The following ACSF2 variants were observed in gnomAD, a reference collection of about 807,000 sequenced individuals.
ACSF2 encodes the protein medium-chain acyl-CoA ligase ACSF2, mitochondrial.
A neutral mutation model predicts 79.3 loss-of-function variants in ACSF2; 52 were observed. The observed-to-expected ratio is 0.66, with a 90% CI of 0.53 to 0.83. ACSF2 has a LOEUF of 0.83. Ranked by LOEUF, ACSF2 falls within the 40% of genes least tolerant of loss-of-function variation. The probability of loss-of-function intolerance (pLI) is 0.00; values close to 1 mark genes in which losing one functional copy is unlikely to be tolerated. For missense variants in ACSF2, 661 were observed against 803.3 expected (o/e 0.82, Z 2.14); for synonymous variants, 283 against 312.6 (o/e 0.91, Z 1.00).
rs768076052 is a variant in ACSF2 at position 50,472,408 on chromosome 17, C to T, written c.1324-20C>T. The T allele has an allele frequency of 8.7e-6, 14 of 1,605,748 alleles. No individual in the cohort carries two copies. The highest frequency in any genetic ancestry group is 1.2e-5 in the Non-Finnish European group (14 of 1,176,664). On this transcript the variant is annotated intron_variant, in intron 11 of 15. Coordinates refer to ENST00000300441, the MANE Select transcript of ACSF2 (RefSeq NM_025149.6). ...AAGCAAGAGGATAGGAAGCCCCAAC[C>T]TGAGGCCATCCTGTCCCAGGCCCGG... is the stretch of plus-strand genomic sequence containing the variant.
intron 1 of ACSF2, among the ~76,000 whole-genome samples, chr17:50,444,672 T>G (rs548876948): frequency 1.3e-5 from 2 of 148,558 alleles, no homozygotes; most frequent in East Asian, 3.9e-4. Context: ...CACACACTTT[T>G]GCCACCATCT....
Position 50,426,370 on chromosome 17 carries a change from C to A in ACSF2, c.109C>A (p.Gln37Lys). The A allele has an allele frequency of 7.2e-7, 1 of 1,397,942 alleles. No individual in the cohort carries two copies. The highest frequency in any genetic ancestry group is 9.4e-7 in the Non-Finnish European group (1 of 1,068,784). The allele number at this position is 1,397,942 out of a possible 1,614,324, so 86.6% of individuals were successfully genotyped here. The part of the protein sequence containing the change: ...LSRSWQEARL[Q>K]GVRFLSSREV... ...TCGGAGTTGGCAGGAAGCCAGGTTG[C>A]AGGGTGTCCGCTTCCTCAGGTACTG... The change falls in exon 1 of 16, where the codon CAG becomes AAG. Residue 37 changes from glutamine to lysine, a missense_variant. By Grantham distance (53) the Gln-to-Lys change is moderately conservative. Transcript: ENST00000300441.
At chr17:50,440,127 C>CTAGGTCT (rs747528636) in intron 1 of ACSF2, among the ~76,000 whole-genome samples, 152 of 152,180 alleles carry the variant, frequency 1.0e-3, no homozygotes, top group Middle Eastern at 3.4e-3. Flanking sequence ...ACCAGCCTCC[C>CTAGGTCT]ATGGGGGGTA....
chr17:50,440,787 C>T (rs761329023), intron 1 of ACSF2, among the ~76,000 whole-genome samples: 4 of 152,238 alleles, frequency 2.6e-5, no homozygotes, highest in Non-Finnish European at 5.9e-5. Flanking sequence ...CAGGTGGGTC[C>T]GACCAGGTGG....
chr17:50,441,738 C>G (rs1045266213), intron 1 of ACSF2, among the ~76,000 whole-genome samples: 2 of 152,224 alleles, frequency 1.3e-5, no homozygotes, highest in Admixed American at 6.5e-5. Flanking sequence ...CAGCAATAAA[C>G]ATCAGCTCAC....
chr17:50,468,000 G>A (rs781609214), intron 10 of ACSF2: 1 of 1,523,372 alleles, frequency 6.6e-7, no homozygotes, highest in Non-Finnish European at 8.8e-7. Flanking sequence ...TCCAGGAAGG[G>A]AAGAAGGAAC....
intron 1 of ACSF2, among the ~76,000 whole-genome samples, chr17:50,439,197 A>G (rs62062125): frequency 0.27 from 37,449 of 140,892 alleles, 5,019 homozygotes; most frequent in Middle Eastern, 0.41. Flanking sequence ...CAACCTCCCG[A>G]GCAGCTGGAA....
intron 2 of ACSF2, 102 bp from the exon 3 acceptor site, chr17:50,461,140 A>G: frequency 6.5e-7 from 1 of 1,539,808 alleles, no homozygotes; most frequent in Non-Finnish European, 8.8e-7. Context: ...CTTTGTCCCC[A>G]GTGACTGTGA....
chr17:50,430,720 G>A (rs903964802), intron 1 of ACSF2, among the ~76,000 whole-genome samples: 4 of 152,144 alleles, frequency 2.6e-5, no homozygotes, highest in Admixed American at 1.3e-4. Context: ...TACCAAGAAT[G>A]TACATTAAAA....
chr17:50,428,325 C>T (rs528592542), intron 1 of ACSF2, among the ~76,000 whole-genome samples: 1 of 151,856 alleles, frequency 6.6e-6, no homozygotes, highest in South Asian at 2.1e-4. Flanking sequence ...ACTAAAAATA[C>T]AAAAATCAGC....
chr17:50,474,670 C>T lies in ACSF2; in HGVS notation c.*118C>T, dbSNP rs1436896909. On this transcript the variant is annotated 3_prime_UTR_variant, in exon 16 of 16. Coordinates refer to ENST00000300441, the MANE Select transcript of ACSF2 (RefSeq NM_025149.6). The surrounding 1 kb of genome is among the most constrained non-coding windows in gnomAD (Gnocchi z 4.2). ...GTTCTGAGCCAGGCACATCAAATGT[C>T]AAGGAATTGACTGAACGAACTAAGA... 7.0e-6 allele frequency: 8 copies of T among 1,140,686 alleles called. No homozygotes were observed. In the East Asian group the frequency reaches 1.9e-4, roughly 27 times the overall value. 70.7% of individuals were successfully genotyped at this position (1,140,686 alleles called of 1,614,324 possible). A position where few individuals can be genotyped will look rare whatever the true frequency, so the allele number is the denominator to read the frequency against.
At chr17:50,462,774 C>T in intron 6 of ACSF2, 189 bp downstream of exon 6, 1 of 678,260 alleles carries the variant, frequency 1.5e-6, no homozygotes, top group Non-Finnish European at 2.4e-6. Context: ...CCCCTAGCCC[C>T]CCGCCCTCTC....
At chr17:50,427,879 G>A (rs995732697) in intron 1 of ACSF2, among the ~76,000 whole-genome samples, 4 of 152,170 alleles carry the variant, frequency 2.6e-5, no homozygotes, top group African/African-American at 4.8e-5. Context: ...TCTTATTGCT[G>A]TGTCAGGAGG....
At chr17:50,444,999 T>G (rs974072529) in intron 1 of ACSF2, among the ~76,000 whole-genome samples, 2 of 152,108 alleles carry the variant, frequency 1.3e-5, no homozygotes, top group Admixed American at 6.6e-5. Flanking sequence ...ACTGCAACCT[T>G]GAAGTCCTGG....
At position 50,458,209 on chromosome 17, in the gene ACSF2, T is replaced by G. The variant is rs141131406; in HGVS notation, c.129-2468T>G. On this transcript the variant is annotated intron_variant, in intron 1 of 15. Coordinates refer to ENST00000300441, the MANE Select transcript of ACSF2 (RefSeq NM_025149.6). Reference sequence around the variant, plus strand: ...ATCCCTCTTCACTTCATAAATGATGTGGGTCCACTTGGGCCCATGGGTGGA... The same window carrying G: ...ATCCCTCTTCACTTCATAAATGATGGGGGTCCACTTGGGCCCATGGGTGGA... Among the ~76,000 whole-genome samples, 1,335 of 152,300 alleles carry G rather than the reference T, an allele frequency of 8.8e-3. 19 individuals carry two copies. The highest frequency in any genetic ancestry group is 0.03 in the African/African-American group (1,259 of 41,558).
Position 50,434,806 on chromosome 17 carries a change from GTGGTAGAAAGATCA to G in ACSF2, c.128+8421_128+8434del, listed in dbSNP as rs1197061793. The stretch of plus-strand genomic sequence containing the variant: ...ATACTCCTCAGGGTGGTTATGTCGA[GTGGTAGAAAGATCA>G]TGGGGCTTTATGATATAATTACATA... On this transcript the variant is annotated intron_variant, in intron 1 of 15. Coordinates refer to ENST00000300441, the MANE Select transcript of ACSF2 (RefSeq NM_025149.6). Among the ~76,000 whole-genome samples the G allele has an allele frequency of 2.1e-4, 32 of 152,210 alleles. No homozygotes were observed. In the Middle Eastern group the frequency reaches 0.017, roughly 81 times the overall value.
At chr17:50,442,889 T>A (rs1410499381) in intron 1 of ACSF2, among the ~76,000 whole-genome samples, 1 of 152,108 alleles carries the variant, frequency 6.6e-6, no homozygotes, top group South Asian at 2.1e-4. Flanking sequence ...TAATCATACC[T>A]TTAGGCATTT....
intron 10 of ACSF2, chr17:50,464,576 T>C (rs995228917): frequency 8.6e-6 from 5 of 584,516 alleles, no homozygotes; most frequent in Non-Finnish European, 1.6e-5. Flanking sequence ...AAAGCACCGA[T>C]GTCCTGCTAG....
chr17:50,442,501 G>A (rs779558628), intron 1 of ACSF2, among the ~76,000 whole-genome samples: 1 of 151,658 alleles, frequency 6.6e-6, no homozygotes, highest in African/African-American at 2.4e-5. Flanking sequence ...GGTCTTTCTC[G>A]GTCACCCAGG....
Sources: gnomAD v4.1 joint callset for allele counts (sites outside exome capture counted in the v4.1 genomes callset) on GRCh38, gnomAD v4.1.1 for gene constraint, Gnocchi (gnomAD v3.1) non-coding constraint, MANE v1.5 for transcripts, NCBI Gene and HGNC (gene_info 2026-07-23, HGNC 2026-07-21) for gene names.